Variants in GBE1 observed in about 807,000 individuals in gnomAD.
GBE1 encodes the protein 1,4-alpha-glucan branching enzyme 1.
In GBE1, 70 loss-of-function variants were observed where a neutral mutation model predicts 88.8. The observed-to-expected ratio is 0.79, with a 90% CI of 0.65 to 0.96. GBE1 has a LOEUF of 0.96. Ranked by LOEUF, GBE1 falls within the 40% of genes least tolerant of loss-of-function variation. The pLI, the probability that GBE1 is intolerant of heterozygous loss-of-function variation, is 0.00. For missense variants in GBE1, 872 were observed against 871.0 expected (o/e 1.00, Z -0.01); for synonymous variants, 284 against 300.1 (o/e 0.95, Z 0.56).
intron 1 of GBE1, among the ~76,000 whole-genome samples, chr3:81,742,732 A>T (rs1706365843): frequency 6.6e-6 from 1 of 152,150 alleles, no homozygotes; most frequent in African/African-American, 2.4e-5. Flanking sequence ...GTTAAACAGA[A>T]TTGCCCGAGG....
chr3:81,604,648 T>C (rs879325753), intron 7 of GBE1, among the ~76,000 whole-genome samples: 6 of 152,130 alleles, frequency 3.9e-5, no homozygotes, highest in Admixed American at 3.3e-4. Context: ...AATGTTTTCA[T>C]AGTCGTTGGA....
At position 81,750,539 on chromosome 3, in the gene GBE1, G is replaced by GTGTA. The variant is rs201058167; in HGVS notation, c.143+10835_143+10836insTACA. 9.6e-4 allele frequency among the ~76,000 whole-genome samples: 64 copies of GTGTA among 66,400 alleles called. 8 individuals carry two copies. Among genetic ancestry groups the GTGTA allele is most frequent in the African/African-American group, 5.8e-3 (60 of 10,310 alleles). The allele number at this position is 66,400 out of a possible 152,430, so 43.6% of individuals were successfully genotyped here. ...TCAAAACATTCATATATATATATAC[G>GTGTA]TATATATATATGTATATATATATGT... On this transcript the variant is annotated intron_variant, in intron 1 of 15. Coordinates refer to ENST00000429644, the MANE Select transcript of GBE1 (RefSeq NM_000158.4).
At chr3:81,587,773 A>G (rs1178634706) in intron 9 of GBE1, among the ~76,000 whole-genome samples, 1 of 152,170 alleles carries the variant, frequency 6.6e-6, no homozygotes, top group Non-Finnish European at 1.5e-5. Context: ...GGATTAAAAG[A>G]TAAGACATAA....
At chr3:81,568,547 C>T (rs1703528335) in intron 12 of GBE1, among the ~76,000 whole-genome samples, 1 of 152,110 alleles carries the variant, frequency 6.6e-6, no homozygotes, top group African/African-American at 2.4e-5. Context: ...AGGAAAGAGG[C>T]TATATTTATC....
intron 7 of GBE1, among the ~76,000 whole-genome samples, chr3:81,629,695 T>C (rs1704477527): frequency 6.6e-6 from 1 of 152,064 alleles, no homozygotes; most frequent in Admixed American, 6.6e-5. Context: ...ACTGGATGTT[T>C]AATTGTATTT....
chr3:81,531,847 T>C (rs987115201), intron 14 of GBE1, among the ~76,000 whole-genome samples: 8 of 152,050 alleles, frequency 5.3e-5, no homozygotes, highest in African/African-American at 1.9e-4. Context: ...AACCCCAGGG[T>C]ACTTTAGTGT....
chr3:81,639,224 T>A (rs1704634506), intron 7 of GBE1, among the ~76,000 whole-genome samples: 1 of 152,170 alleles, frequency 6.6e-6, no homozygotes, highest in African/African-American at 2.4e-5. Flanking sequence ...TGCATTCACA[T>A]ATAGCTAAAT....
chr3:81,491,752 A>T (rs1299788799), intron 15 of GBE1, among the ~76,000 whole-genome samples: 2 of 152,164 alleles, frequency 1.3e-5, no homozygotes, highest in Non-Finnish European at 2.9e-5. Context: ...AGAGGTTAGA[A>T]CCAGAATGAA....
chr3:81,706,304 A>C (rs1473244671), intron 1 of GBE1, among the ~76,000 whole-genome samples: 1 of 152,220 alleles, frequency 6.6e-6, no homozygotes, highest in Non-Finnish European at 1.5e-5. Flanking sequence ...AGTGGCCACA[A>C]GAAGAAATCA....
chr3:81,742,943 C>T (rs532408054), intron 1 of GBE1, among the ~76,000 whole-genome samples: 66 of 152,166 alleles, frequency 4.3e-4, no homozygotes, highest in African/African-American at 1.3e-3. Flanking sequence ...CCTCCAACAA[C>T]GACAGTAATA....
chr3:81,650,119 A>G (rs1704823931), intron 3 of GBE1, 198 bp from the exon 4 acceptor site: 2 of 399,880 alleles, frequency 5.0e-6, no homozygotes, highest in Admixed American at 9.7e-5. Flanking sequence ...TCATCCTTAA[A>G]GTAACTTCCA....
Position 81,720,348 on chromosome 3 carries a change from A to G in GBE1, c.144-14735T>C, listed in dbSNP as rs150920404. The stretch of plus-strand genomic sequence containing the variant: ...ACGCACACACTGTGTGTGTATGTGT[A>G]TGTGTGTGTGTGTGTATATATATAT... On this transcript the variant is annotated intron_variant, in intron 1 of 15. Transcript: ENST00000429644. 7.2e-3 allele frequency among the ~76,000 whole-genome samples: 1,027 copies of G among 142,830 alleles called. 14 individuals carry two copies. The highest frequency in any genetic ancestry group is 0.023 in the African/African-American group (803 of 35,180). 93.7% of individuals were successfully genotyped at this position (142,830 alleles called of 152,430 possible).
At chr3:81,627,745 A>C (rs1366931279) in intron 7 of GBE1, among the ~76,000 whole-genome samples, 1 of 82,684 alleles carries the variant, frequency 1.2e-5, no homozygotes, top group East Asian at 1.7e-3. Flanking sequence ...TATATATTTT[A>C]CATATATATA....
At chr3:81,578,362 C>T (rs1464840652) in intron 11 of GBE1, among the ~76,000 whole-genome samples, 1 of 151,790 alleles carries the variant, frequency 6.6e-6, no homozygotes, top group Non-Finnish European at 1.5e-5. Flanking sequence ...TGATAAGGTA[C>T]CTGAATATCT....
chr3:81,569,100 T>A (rs979726331), intron 12 of GBE1, among the ~76,000 whole-genome samples: 10 of 152,198 alleles, frequency 6.6e-5, no homozygotes, highest in African/African-American at 2.4e-4. Flanking sequence ...GTGACACAAC[T>A]GTTTTATGGA....
rs775190099 is a variant in GBE1, at chr3:81,649,776, T to TAAAGATTTG, written c.555+11_555+19dup. 26 of 1,565,556 alleles carry TAAAGATTTG rather than the reference T, an allele frequency of 1.7e-5. No homozygotes were observed. Among genetic ancestry groups the TAAAGATTTG allele is most frequent in the Middle Eastern group, 1.7e-4 (1 of 5,900 alleles). On this transcript the variant is annotated intron_variant, in intron 4 of 15. Coordinates refer to ENST00000429644, the MANE Select transcript of GBE1 (RefSeq NM_000158.4). The stretch of plus-strand genomic sequence containing the variant: ...AGAAATATTGGAACAATAATTTATT[T>TAAAGATTTG]AAAGATTTGTTGTTCTCACCTCATA...
At chr3:81,582,356 T>C (rs1388464993) in intron 10 of GBE1, among the ~76,000 whole-genome samples, 1 of 152,050 alleles carries the variant, frequency 6.6e-6, no homozygotes, top group African/African-American at 2.4e-5. Context: ...GAAGGAGCAA[T>C]GAGCCAAGGA....
chr3:81,530,877 T>C (rs918113179), intron 14 of GBE1, among the ~76,000 whole-genome samples: 1 of 151,890 alleles, frequency 6.6e-6, no homozygotes, highest in Admixed American at 6.6e-5. Flanking sequence ...AAGTGGTGCA[T>C]CCTGCCAGGC....
intron 7 of GBE1, among the ~76,000 whole-genome samples, chr3:81,608,666 T>A (rs1415347796): frequency 6.6e-6 from 1 of 152,166 alleles, no homozygotes; most frequent in Non-Finnish European, 1.5e-5. Context: ...TTAAGATGAT[T>A]TCCTCTCCCC....
Sources: allele counts gnomAD v4.1 joint callset (sites outside exome capture counted in the v4.1 genomes callset), GRCh38; gene constraint gnomAD v4.1.1; transcripts MANE v1.5; gene names NCBI Gene and HGNC (gene_info 2026-07-23, HGNC 2026-07-21).